DNMT3A: variants seen among roughly 807,000 people sequenced by gnomAD.
The protein encoded by DNMT3A is DNA methyltransferase 3 alpha, also known as DNA (cytosine-5)-methyltransferase 3A.
Under a neutral mutation model 117.6 loss-of-function variants are expected in DNMT3A, and 267 were observed. The ratio of observed to expected loss-of-function variants is 2.27; its 90% CI spans 2.05 to 2.51. The LOEUF (loss-of-function observed/expected upper bound fraction) is 2.51. Among genes scored for constraint, DNMT3A ranks in the 30% most tolerant of loss-of-function variants. DNMT3A has a pLI of 0.00. For synonymous variants in DNMT3A, 432 were observed against 474.8 expected, an observed-to-expected ratio of 0.91 and a Z score of 1.17; for missense variants, 1,029 against 1,260.2, an observed-to-expected ratio of 0.82 and a Z score of 2.78.
chr2:25,241,507 G>T, intron 17 of DNMT3A, 55 bp downstream of exon 17: 1 of 1,565,656 alleles, frequency 6.4e-7, no homozygotes, highest in Admixed American at 2.0e-5. Context: ...GCTGCCTCCA[G>T]GTGCTGAGTG....
intron 6 of DNMT3A, among the ~76,000 whole-genome samples, chr2:25,263,188 G>T (rs954701036): frequency 3.9e-5 from 6 of 151,946 alleles, no homozygotes; most frequent in Non-Finnish European, 8.8e-5. Flanking sequence ...CTCCCACTTT[G>T]GTCTCCCAAA....
chr2:25,322,624 T>C (rs2034639370), intron 1 of DNMT3A, among the ~76,000 whole-genome samples: 1 of 150,612 alleles, frequency 6.6e-6, no homozygotes, highest in Non-Finnish European at 1.5e-5. Flanking sequence ...GCCTCAGGAC[T>C]GCTCCCCTGC....
intron 3 of DNMT3A, among the ~76,000 whole-genome samples, chr2:25,297,294 C>T (rs1019695844): frequency 1.3e-5 from 2 of 152,168 alleles, no homozygotes; most frequent in African/African-American, 4.8e-5. Context: ...CTCCTCCTCA[C>T]CCTGGGCCTC....
chr2:25,309,420 G>C (rs1344231641), intron 2 of DNMT3A, among the ~76,000 whole-genome samples: 1 of 152,222 alleles, frequency 6.6e-6, no homozygotes, highest in Admixed American at 6.5e-5. Context: ...ACACGCAGGT[G>C]GTGTGTGCAG....
At chr2:25,340,064 G>A (rs2035354486) in intron 1 of DNMT3A, among the ~76,000 whole-genome samples, 1 of 152,234 alleles carries the variant, frequency 6.6e-6, no homozygotes, top group Non-Finnish European at 1.5e-5. Flanking sequence ...GGCGGACAGC[G>A]CTTCTCCCCA....
At chr2:25,312,134 G>A (rs4665787) in intron 2 of DNMT3A, among the ~76,000 whole-genome samples, 151,936 of 152,272 alleles carry the variant, frequency 1, 75,803 homozygotes, top group Middle Eastern at 1. Context: ...GGCGACACTC[G>A]GGGTCACCTT....
At chr2:25,329,706 C>T (rs1015193197) in intron 1 of DNMT3A, among the ~76,000 whole-genome samples, 1 of 150,808 alleles carries the variant, frequency 6.6e-6, no homozygotes, top group Non-Finnish European at 1.5e-5. Flanking sequence ...CACACACACA[C>T]ACACACAGAC....
At chr2:25,338,655 C>A (rs2035300344) in intron 1 of DNMT3A, among the ~76,000 whole-genome samples, 1 of 152,194 alleles carries the variant, frequency 6.6e-6, no homozygotes, top group African/African-American at 2.4e-5. Context: ...GGAGGCAAGG[C>A]CCCTGTTTCC....
intron 3 of DNMT3A, among the ~76,000 whole-genome samples, chr2:25,288,305 G>A (rs60541754): frequency 3.9e-5 from 6 of 151,942 alleles, no homozygotes; most frequent in Admixed American, 6.5e-5. Flanking sequence ...GTGGTAGCAG[G>A]CGCCTGTAGT....
intron 1 of DNMT3A, among the ~76,000 whole-genome samples, chr2:25,319,689 T>C (rs1246244514): frequency 1.3e-5 from 2 of 151,782 alleles, no homozygotes; most frequent in African/African-American, 2.4e-5. Flanking sequence ...AACTGTCTTT[T>C]TACCTGACAA....
chr2:25,293,274 T>G lies in DNMT3A; in HGVS notation c.177+6865A>C, dbSNP rs1233146174. Among the ~76,000 whole-genome samples, 1 of 152,170 alleles carries G rather than the reference T, an allele frequency of 6.6e-6. No homozygotes were observed. The highest frequency in any genetic ancestry group is 1.5e-5 in the Non-Finnish European group (1 of 68,030). On this transcript the variant is annotated intron_variant, in intron 3 of 22. Coordinates refer to ENST00000321117, the MANE Select transcript of DNMT3A (RefSeq NM_022552.5). The surrounding 1 kb of genome is among the most constrained non-coding windows in gnomAD (Gnocchi z 4.7). ...CCACCCCCCACAGGCCCTGGGACTT[T>G]GCTGGCGCCCCTGCCCCCTCCCCTC...
In DNMT3A at chr2:25,305,533, G is replaced by A. The variant is rs1573466285; in HGVS notation, c.73-5290C>T. ...TTACACTTTACAGAAAGCAGAGCTGGTATTATTTTTTTCTGTTACACAGAT... is the reference window on the plus strand; with the variant it reads ...TTACACTTTACAGAAAGCAGAGCTGATATTATTTTTTTCTGTTACACAGAT... On this transcript the variant is annotated intron_variant, in intron 2 of 22. Transcript: ENST00000321117. This position sits in a 1 kb window ranked among gnomAD's most constrained non-coding sequence, Gnocchi z 4.1. 6.6e-6 allele frequency among the ~76,000 whole-genome samples: 1 copy of A among 152,182 alleles called. No homozygotes were observed. The highest frequency in any genetic ancestry group is 1.5e-5 in the Non-Finnish European group (1 of 68,026).
Position 25,281,985 on chromosome 2 carries a change from C to T in DNMT3A, c.448+456G>A. 1.8e-6 allele frequency: 2 copies of T among 1,097,120 alleles called. No individual in the cohort carries two copies. Among genetic ancestry groups the T allele is most frequent in the Non-Finnish European group, 2.2e-6 (2 of 898,240 alleles). 68.0% of individuals were successfully genotyped at this position (1,097,120 alleles called of 1,614,324 possible). Reference sequence around the variant, plus strand: ...CCTTGAGTGCCCAGGCCAGGGGCTACAAATACAGCAACCCCCAGGAACTGC... The same window carrying T: ...CCTTGAGTGCCCAGGCCAGGGGCTATAAATACAGCAACCCCCAGGAACTGC... On this transcript the variant is annotated intron_variant, in intron 4 of 22. Transcript: ENST00000321117. The surrounding 1 kb of genome is among the most constrained non-coding windows in gnomAD (Gnocchi z 4.8).
Position 25,283,273 on chromosome 2 carries a change from A to T in DNMT3A, c.178-562T>A, listed in dbSNP as rs1236181888. On this transcript the variant is annotated intron_variant, in intron 3 of 22. Transcript: ENST00000321117. ...GGTACTCGGGAGGCTGAGGCAGGAG[A>T]ACCGCTTGAACCTGGGAGGCAGAGT... Among the ~76,000 whole-genome samples, 2 of 151,688 alleles carry T rather than the reference A, an allele frequency of 1.3e-5. 1 individual carries two copies. Among genetic ancestry groups the T allele is most frequent in the South Asian group, 4.2e-4 (2 of 4,798 alleles).
chr2:25,252,391 G>A lies in DNMT3A; in HGVS notation c.640-4139C>T. On this transcript the variant is annotated intron_variant, in intron 6 of 22. Transcript: ENST00000321117. The surrounding 1 kb of genome is among the most constrained non-coding windows in gnomAD (Gnocchi z 5.5). The stretch of plus-strand genomic sequence containing the variant: ...TTTGTCTAGGACTCCAGGTCACGTG[G>A]GCCCCGCTGGAGGGCCTGGTTGGCT... 1 of 578,204 alleles carries A rather than the reference G, an allele frequency of 1.7e-6. No individual in the cohort carries two copies. Among genetic ancestry groups the A allele is most frequent in the South Asian group, 3.1e-5 (1 of 31,800 alleles). 35.8% of individuals were successfully genotyped at this position (578,204 alleles called of 1,614,324 possible).
intron 1 of DNMT3A, chr2:25,328,619 C>G (rs1305731284): frequency 2.0e-6 from 1 of 502,498 alleles, no homozygotes; most frequent in Non-Finnish European, 4.1e-6. Flanking sequence ...CAACCCCGTT[C>G]CGGGTGACCC....
chr2:25,290,320 ATT>A (rs1249490029), intron 3 of DNMT3A, among the ~76,000 whole-genome samples: 61 of 126,412 alleles, frequency 4.8e-4, no homozygotes, highest in Middle Eastern at 4.3e-3. Context: ...TATGGAAGTG[ATT>A]TTTTTTTTTT....
At chr2:25,263,517 T>C (rs1450557810) in intron 6 of DNMT3A, among the ~76,000 whole-genome samples, 1 of 152,150 alleles carries the variant, frequency 6.6e-6, no homozygotes, top group East Asian at 1.9e-4. Flanking sequence ...TACTAAGCAA[T>C]CAGTAGTAAG....
chr2:25,314,844 G>A (rs1348339989), intron 1 of DNMT3A, among the ~76,000 whole-genome samples: 1 of 152,230 alleles, frequency 6.6e-6, no homozygotes, highest in Non-Finnish European at 1.5e-5. Flanking sequence ...CAGAGTTGGT[G>A]GGCTTGAGGG....
Sources: gnomAD v4.1 joint callset for allele counts (sites outside exome capture counted in the v4.1 genomes callset) on GRCh38, gnomAD v4.1.1 for gene constraint, Gnocchi (gnomAD v3.1) non-coding constraint, MANE v1.5 for transcripts, NCBI Gene and HGNC (gene_info 2026-07-23, HGNC 2026-07-21) for gene names.